The following CADM2 variants were observed in gnomAD, a reference collection of about 807,000 sequenced individuals.
The protein encoded by CADM2 is immunoglobulin superfamily member 4D.
CADM2 carries 12 observed loss-of-function variants against 49.8 expected under a neutral mutation model. That is an observed-to-expected ratio of 0.24 (90% confidence interval 0.15 to 0.39). CADM2 has a LOEUF of 0.39. CADM2 is among the 10% of genes least tolerant of loss of function. CADM2 has a pLI of 1.00. For missense variants in CADM2, 378 were observed against 492.3 expected, an observed-to-expected ratio of 0.77 and a Z score of 2.20; for synonymous variants, 214 against 175.4, an observed-to-expected ratio of 1.22 and a Z score of -1.74.
intron 1 of CADM2, among the ~76,000 whole-genome samples, chr3:85,149,499 G>A (rs2039854200): frequency 6.6e-6 from 1 of 152,182 alleles, no homozygotes; most frequent in Non-Finnish European, 1.5e-5. Context: ...GGCTGAGGCA[G>A]GCGGATCATG....
intron 1 of CADM2, among the ~76,000 whole-genome samples, chr3:85,095,513 G>T (rs1027918756): frequency 6.6e-6 from 1 of 152,052 alleles, no homozygotes; most frequent in Non-Finnish European, 1.5e-5. Context: ...CTATATTACC[G>T]ATCCTTAAAC....
chr3:85,422,695 T>C (rs1481835237), intron 1 of CADM2, among the ~76,000 whole-genome samples: 1 of 152,198 alleles, frequency 6.6e-6, no homozygotes, highest in Non-Finnish European at 1.5e-5. Context: ...AGAGGTCATG[T>C]TGAAACGGGA....
intron 1 of CADM2, among the ~76,000 whole-genome samples, chr3:85,438,141 A>G (rs1016485852): frequency 5.3e-5 from 8 of 152,084 alleles, no homozygotes; most frequent in Admixed American, 5.2e-4. Context: ...ATTGCTTACT[A>G]TTAGTCTTTG....
chr3:85,953,854 C>T (rs1382750108), intron 7 of CADM2, among the ~76,000 whole-genome samples: 1 of 150,854 alleles, frequency 6.6e-6, no homozygotes, highest in African/African-American at 2.4e-5. Flanking sequence ...ATTCATTGAT[C>T]TCTTATCTGT....
intron 1 of CADM2, among the ~76,000 whole-genome samples, chr3:85,602,911 T>C (rs560089841): frequency 2.0e-4 from 31 of 151,916 alleles, no homozygotes; most frequent in Admixed American, 1.6e-3. Context: ...GTTTCCAGTA[T>C]CACTTTTGCC....
At chr3:84,985,453 T>C (rs1280373750) in intron 1 of CADM2, among the ~76,000 whole-genome samples, 2 of 152,156 alleles carry the variant, frequency 1.3e-5, no homozygotes, top group African/African-American at 4.8e-5. Flanking sequence ...AATATAGCTT[T>C]TATTAGGTTA....
intron 1 of CADM2, among the ~76,000 whole-genome samples, chr3:85,416,078 T>A (rs908895371): frequency 2.0e-5 from 3 of 152,144 alleles, no homozygotes; most frequent in African/African-American, 7.2e-5. Flanking sequence ...TTGTTAAAAA[T>A]TTAACTTTTC....
intron 1 of CADM2, among the ~76,000 whole-genome samples, chr3:85,443,836 T>C (rs575572172): frequency 6.6e-6 from 1 of 152,284 alleles, no homozygotes; most frequent in Admixed American, 6.5e-5. Flanking sequence ...AGGTCATCTA[T>C]ATGCCGGCAA....
intron 3 of CADM2, among the ~76,000 whole-genome samples, chr3:85,838,010 A>T (rs1405077697): frequency 6.6e-6 from 1 of 151,810 alleles, no homozygotes; most frequent in Non-Finnish European, 1.5e-5. Flanking sequence ...TACATAAATC[A>T]GACGAAATAT....
chr3:85,216,851 T>A (rs2041939695), intron 1 of CADM2, among the ~76,000 whole-genome samples: 1 of 152,104 alleles, frequency 6.6e-6, no homozygotes, highest in African/African-American at 2.4e-5. Flanking sequence ...TAGAATAGGA[T>A]GAGAATATAA....
chr3:85,178,790 TACTTAAACCTCAGGTTTAAGTAG>T (rs1224971533), intron 1 of CADM2, among the ~76,000 whole-genome samples: 8 of 151,892 alleles, frequency 5.3e-5, no homozygotes, highest in Middle Eastern at 3.4e-3. Context: ...TACGTGAGTC[TACTTAAACCTCAGGTTTAAGTAG>T]ACTGAGTACG....
At chr3:85,710,562 A>T in intron 1 of CADM2, among the ~76,000 whole-genome samples, 1 of 152,154 alleles carries the variant, frequency 6.6e-6, no homozygotes, top group East Asian at 1.9e-4. Flanking sequence ...ATAGAGAGGT[A>T]TAACTTCGAA....
chr3:85,539,319 AGAT>A (rs1164192995), intron 1 of CADM2, among the ~76,000 whole-genome samples: 1 of 152,118 alleles, frequency 6.6e-6, no homozygotes, highest in Non-Finnish European at 1.5e-5. Flanking sequence ...AAAATATTTT[AGAT>A]GATACTAAAT....
chr3:85,959,099 T>G (rs1163684484), intron 7 of CADM2, among the ~76,000 whole-genome samples: 1 of 151,006 alleles, frequency 6.6e-6, no homozygotes, highest in Non-Finnish European at 1.5e-5. Flanking sequence ...TATCTTTATA[T>G]CTGTATATCT....
chr3:85,240,550 T>C (rs1223681194), intron 1 of CADM2, among the ~76,000 whole-genome samples: 2 of 151,442 alleles, frequency 1.3e-5, no homozygotes, highest in Admixed American at 1.3e-4. Context: ...AAATGAATGG[T>C]TTGAGGATAG....
At position 86,074,245 on chromosome 3, in the gene CADM2, A is replaced by C. The variant is rs556017696; in HGVS notation, c.*7462A>C. On this transcript the variant is annotated 3_prime_UTR_variant, in exon 10 of 10. Transcript: ENST00000383699. ...GGATTTCAGATAAGCTTTTAAATTTATGGAGGATTTTCTTTGTGTCTTTGG... is the reference window on the plus strand; with the variant it reads ...GGATTTCAGATAAGCTTTTAAATTTCTGGAGGATTTTCTTTGTGTCTTTGG... 2.0e-5 allele frequency: 3 copies of C among 152,044 alleles called. No homozygotes were observed. The South Asian group carries it at 6.2e-4, about 32-fold the overall frequency. The allele number at this position is 152,044 out of a possible 1,614,324, so 9.4% of individuals were successfully genotyped here. A position where few individuals can be genotyped will look rare whatever the true frequency, so the allele number is the denominator to read the frequency against.
chr3:85,995,430 G>A (rs1287028253), intron 8 of CADM2, among the ~76,000 whole-genome samples: 3 of 152,056 alleles, frequency 2.0e-5, no homozygotes, highest in Non-Finnish European at 4.4e-5. Flanking sequence ...CTCAAGGTAT[G>A]ATGATATATT....
intron 1 of CADM2, among the ~76,000 whole-genome samples, chr3:85,379,258 C>T (rs542030117): frequency 3.3e-5 from 5 of 151,982 alleles, no homozygotes; most frequent in African/African-American, 4.8e-5. Flanking sequence ...TACTGAAATT[C>T]GTCATCTTCA....
chr3:85,681,291 A>T (rs1483916959), intron 1 of CADM2, among the ~76,000 whole-genome samples: 1 of 152,160 alleles, frequency 6.6e-6, no homozygotes, highest in Admixed American at 6.5e-5. Flanking sequence ...TGAGATTTAC[A>T]GTTCATTAGG....
Sources: gnomAD v4.1 joint callset for allele counts (sites outside exome capture counted in the v4.1 genomes callset) on GRCh38, gnomAD v4.1.1 for gene constraint, MANE v1.5 for transcripts, NCBI Gene and HGNC (gene_info 2026-07-23, HGNC 2026-07-21) for gene names.